EHBP1: variants seen among roughly 807,000 people sequenced by gnomAD.
The protein encoded by EHBP1 is EH domain-binding protein 1.
EHBP1 carries 55 observed loss-of-function variants against 144.0 expected under a neutral mutation model. The ratio of observed to expected loss-of-function variants is 0.38; its 90% CI spans 0.31 to 0.48. EHBP1 has a LOEUF of 0.48. EHBP1 is among the 20% of genes least tolerant of loss of function. The probability of loss-of-function intolerance (pLI) is 0.98; values close to 1 mark genes in which losing one functional copy is unlikely to be tolerated. For missense variants in EHBP1, 1,200 were observed against 1,364.2 expected, an observed-to-expected ratio of 0.88 and a Z score of 1.90; for synonymous variants, 469 against 472.7, an observed-to-expected ratio of 0.99 and a Z score of 0.10.
intron 10 of EHBP1, among the ~76,000 whole-genome samples, chr2:62,880,867 A>G (rs900935296): frequency 1.3e-5 from 2 of 152,144 alleles, no homozygotes; most frequent in Admixed American, 1.3e-4. Flanking sequence ...AAGAATTTAA[A>G]ACAGATCTAC....
intron 1 of EHBP1, among the ~76,000 whole-genome samples, chr2:62,679,954 G>A (rs550818262): frequency 3.3e-5 from 5 of 152,182 alleles, no homozygotes; most frequent in African/African-American, 7.2e-5. Flanking sequence ...TATCTAGAGC[G>A]TACTTAGCAT....
intron 1 of EHBP1, among the ~76,000 whole-genome samples, chr2:62,679,860 A>G (rs1268074437): frequency 6.6e-6 from 1 of 152,202 alleles, no homozygotes; most frequent in Non-Finnish European, 1.5e-5. Flanking sequence ...CTGGAGGAAA[A>G]CCACAGCTAA....
At chr2:62,972,425 A>G (rs981150350) in intron 14 of EHBP1, among the ~76,000 whole-genome samples, 13 of 152,168 alleles carry the variant, frequency 8.5e-5, no homozygotes, top group Non-Finnish European at 1.6e-4. Flanking sequence ...ATATTATTGC[A>G]AAAAAGTCTT....
At chr2:62,861,462 G>A (rs1182495900) in intron 8 of EHBP1, among the ~76,000 whole-genome samples, 2 of 150,442 alleles carry the variant, frequency 1.3e-5, no homozygotes, top group Admixed American at 6.6e-5. Context: ...ACTAAATGTC[G>A]GCCGGGCGCG....
At position 62,834,306 on chromosome 2, in the gene EHBP1, G is replaced by A. The variant is rs568638329; in HGVS notation, c.634+3148G>A. Among the ~76,000 whole-genome samples the A allele has an allele frequency of 8.5e-5, 13 of 152,288 alleles. No individual in the cohort carries two copies. The South Asian group carries it at 2.3e-3, about 27-fold the overall frequency. ...AGTAAAATGTCAAACAGCATTGCAC[G>A]CTACAGAGAAATTTTTAATGAAAGG... On this transcript the variant is annotated intron_variant, in intron 7 of 22. Transcript: ENST00000431489.
chr2:62,764,376 T>C lies in EHBP1; in HGVS notation c.258+15T>C, dbSNP rs2041006297. The C allele has an allele frequency of 6.5e-7, 1 of 1,534,932 alleles. No homozygotes were observed. Among genetic ancestry groups the C allele is most frequent in the Middle Eastern group, 1.7e-4 (1 of 5,814 alleles). On this transcript the variant is annotated intron_variant, in intron 4 of 22. Coordinates refer to ENST00000431489, the MANE Select transcript of EHBP1 (RefSeq NM_001142616.3). ...CACTTTTTAAGGTAAGTTCCATTTTTATAGGCTATAGAATTTATTATATAA... is the reference window on the plus strand; with the variant it reads ...CACTTTTTAAGGTAAGTTCCATTTTCATAGGCTATAGAATTTATTATATAA...
chr2:62,773,066 A>T (rs1017023956), intron 5 of EHBP1, among the ~76,000 whole-genome samples: 3 of 152,240 alleles, frequency 2.0e-5, no homozygotes, highest in African/African-American at 7.2e-5. Flanking sequence ...AACTCAAGAG[A>T]ATACACTAAT....
intron 6 of EHBP1, among the ~76,000 whole-genome samples, chr2:62,830,081 G>A (rs1022816998): frequency 2.0e-5 from 3 of 146,448 alleles, no homozygotes; most frequent in Non-Finnish European, 4.5e-5. Flanking sequence ...GCAAAAATAC[G>A]GAACCAGCCT....
chr2:62,742,147 C>G, intron 2 of EHBP1, among the ~76,000 whole-genome samples: 1 of 152,078 alleles, frequency 6.6e-6, no homozygotes, highest in East Asian at 1.9e-4. Flanking sequence ...GTTGTACTGT[C>G]TAGGTTTGTG....
At chr2:62,795,115 T>G (rs2043448445) in intron 5 of EHBP1, among the ~76,000 whole-genome samples, 4 of 152,096 alleles carry the variant, frequency 2.6e-5, no homozygotes, top group Admixed American at 2.0e-4. Context: ...AAAGGAACTT[T>G]TTAGCACAGG....
In EHBP1 at chr2:62,948,512, C is replaced by G. The variant is rs562784477; in HGVS notation, c.1666C>G (p.Leu556Val). ...AAAATTCTATGCAGAGCTTAGTGAT[C>G]TGAAGCGGGAGCCTGAACTACAACA... ...QEKFYAELSD[L>V]KREPELQQPI... is the part of the protein sequence containing the mutation. The change falls in exon 13 of 23, where the codon CTG (leucine) becomes GTG (valine). Residue 556 changes from leucine (L) to valine (V), a missense_variant. Around this residue, in one of 6 missense-constraint regions of EHBP1, gnomAD observed 543 missense variants for 513.1 expected, o/e 1.06. Transcript: ENST00000431489. The G allele has an allele frequency of 6.8e-6, 11 of 1,613,960 alleles. No homozygotes were observed. The highest frequency in any genetic ancestry group is 2.7e-5 in the African/African-American group (2 of 74,944).
At chr2:63,028,051 C>T (rs550810506) in intron 19 of EHBP1, among the ~76,000 whole-genome samples, 1 of 151,988 alleles carries the variant, frequency 6.6e-6, no homozygotes, top group African/African-American at 2.4e-5. Context: ...GCGTGAGCCA[C>T]CACACCTGGC....
intron 9 of EHBP1, among the ~76,000 whole-genome samples, chr2:62,867,055 A>T (rs902575988): frequency 5.3e-5 from 8 of 152,122 alleles, no homozygotes; most frequent in Admixed American, 5.2e-4. Context: ...AAATGATACT[A>T]CTTGAAAATT....
intron 3 of EHBP1, among the ~76,000 whole-genome samples, chr2:62,753,007 G>T (rs1000674281): frequency 1.3e-5 from 2 of 152,094 alleles, no homozygotes; most frequent in Non-Finnish European, 2.9e-5. Flanking sequence ...TTACATTTAA[G>T]GTTAATATTG....
At chr2:62,678,323 T>C (rs779750950) in intron 1 of EHBP1, among the ~76,000 whole-genome samples, 1 of 152,230 alleles carries the variant, frequency 6.6e-6, no homozygotes, top group African/African-American at 2.4e-5. Context: ...CCATTTTTGA[T>C]AGGATTATTA....
intron 19 of EHBP1, among the ~76,000 whole-genome samples, chr2:63,031,576 A>G (rs1199986178): frequency 1.3e-5 from 2 of 152,312 alleles, no homozygotes; most frequent in East Asian, 3.9e-4. Context: ...TTACCTTTAA[A>G]GGCTCTTAGC....
chr2:62,862,065 T>C (rs953355963), intron 8 of EHBP1, among the ~76,000 whole-genome samples: 2 of 152,186 alleles, frequency 1.3e-5, no homozygotes, highest in Admixed American at 6.5e-5. Flanking sequence ...ATAAAGATTC[T>C]AGTGGTGTTA....
chr2:63,009,660 A>G (rs1207607273), intron 19 of EHBP1, among the ~76,000 whole-genome samples: 1 of 151,424 alleles, frequency 6.6e-6, no homozygotes, highest in Non-Finnish European at 1.5e-5. Flanking sequence ...TCCATAGTAA[A>G]GATGGACTTT....
At chr2:62,866,241 A>G (rs1193491215) in intron 9 of EHBP1, among the ~76,000 whole-genome samples, 1 of 152,254 alleles carries the variant, frequency 6.6e-6, no homozygotes, top group Non-Finnish European at 1.5e-5. Context: ...AAAAGAATCA[A>G]ACTTATCTCA....
Sources: allele counts gnomAD v4.1 joint callset (sites outside exome capture counted in the v4.1 genomes callset), GRCh38; gene constraint gnomAD v4.1.1; regional missense constraint gnomAD v4.1.1; transcripts MANE v1.5; gene names NCBI Gene and HGNC (gene_info 2026-07-23, HGNC 2026-07-21).